The following NUP54 variants were observed in gnomAD, a reference collection of about 807,000 sequenced individuals.
The protein encoded by NUP54 is nucleoporin p54.
Under a neutral mutation model 66.4 loss-of-function variants are expected in NUP54, and 27 were observed. The observed-to-expected ratio is 0.41, with a 90% confidence interval of 0.30 to 0.56. The LOEUF is 0.56. NUP54 is among the 20% of genes least tolerant of loss of function. NUP54 has a pLI of 0.34. For synonymous variants in NUP54, 206 were observed against 210.7 expected, an observed-to-expected ratio of 0.98 and a Z score of 0.19; for missense variants, 486 against 596.3, an observed-to-expected ratio of 0.82 and a Z score of 1.93.
In NUP54 at chr4:76,124,746, T is replaced by C; in HGVS notation, c.1067A>G (p.Glu356Gly). The change falls in exon 9 of 12, where the codon GAA (glutamate) becomes GGA (glycine). Residue 356 changes from glutamate to glycine, a missense_variant. Around this residue, in one of 4 missense-constraint regions of NUP54, gnomAD observed 217 missense variants for 247.9 expected, o/e 0.88. Transcript: ENST00000264883. Reference sequence around the variant, plus strand: ...ATTCTTTTGTAGCTCACTAATATCTTCAGATATGATCTGTTTAAAAAAAAA... The same window carrying C: ...ATTCTTTTGTAGCTCACTAATATCTCCAGATATGATCTGTTTAAAAAAAAA... ...QHQTRLDIIS[E>G]DISELQKNQT... The C allele has an allele frequency of 8.5e-7, 1 of 1,175,128 alleles. No individual in the cohort carries two copies. Among genetic ancestry groups the C allele is most frequent in the South Asian group, 1.2e-5 (1 of 81,288 alleles). The allele number at this position is 1,175,128 out of a possible 1,614,324, so 72.8% of individuals were successfully genotyped here. A position where few individuals can be genotyped will look rare whatever the true frequency, so the allele number is the denominator to read the frequency against.
At position 76,132,687 on chromosome 4, in the gene NUP54, G is replaced by A. The variant is rs750995767; in HGVS notation, c.743C>T (p.Ser248Leu). 5 of 1,613,430 alleles carry A rather than the reference G, an allele frequency of 3.1e-6. No individual in the cohort carries two copies. Among genetic ancestry groups the A allele is most frequent in the South Asian group, 1.1e-5 (1 of 90,878 alleles). Residue 248 changes from serine to leucine, a missense_variant, in exon 6 of 12, where the codon TCG (serine) becomes TTG (leucine). By Grantham distance (145) the Ser-to-Leu change is moderately radical. This residue lies in a region of NUP54 where 217 missense variants were observed against 247.9 expected (regional missense o/e 0.88). Coordinates refer to ENST00000264883, the MANE Select transcript of NUP54 (RefSeq NM_017426.4). ...TEVVIYVVER[S>L]PNGTSRRVPA... The stretch of plus-strand genomic sequence containing the variant: ...AACTCTTCTTGAAGTACCATTTGGC[G>A]AACGCTCAACAACATAAATAACAAC...
At chr4:76,148,000 G>A in intron 1 of NUP54, 4 of 372,030 alleles carry the variant, frequency 1.1e-5, no homozygotes, top group Admixed American at 4.3e-5. Flanking sequence ...CTCGGGCAAG[G>A]GGAGAGGGAA....
chr4:76,144,433 AC>A lies in NUP54; in HGVS notation c.107del (p.Gly36ValfsTer42). 1.2e-6 allele frequency: 2 copies of A among 1,608,914 alleles called. No individual in the cohort carries two copies. The highest frequency in any genetic ancestry group is 1.7e-6 in the Non-Finnish European group (2 of 1,178,696). The stretch of plus-strand genomic sequence containing the variant: ...TTGGGGCAGAAAAGCTGAATGCAGA[AC>A]CTGCAGTTGTAGATGTTGTCCCAAA... ...GGFGTTSTTA[G>X]SAFSFSAPTN... On this transcript the variant is annotated frameshift_variant, in exon 2 of 12. Transcript: ENST00000264883. LOFTEE classifies it high-confidence loss of function.
At chr4:76,128,077 A>G (rs1192054892) in intron 8 of NUP54, among the ~76,000 whole-genome samples, 1 of 152,222 alleles carries the variant, frequency 6.6e-6, no homozygotes, top group East Asian at 1.9e-4. Context: ...GGAAATGAGC[A>G]TAAATGCTGA....
intron 1 of NUP54, 61 bp downstream of exon 1, chr4:76,148,247 A>C (rs1578702414): frequency 8.8e-7 from 1 of 1,139,904 alleles, no homozygotes; most frequent in East Asian, 3.2e-5. Context: ...AGTCTCGGAC[A>C]GAGGGGGCGG....
At chr4:76,137,165 A>C (rs59084193) in intron 3 of NUP54, among the ~76,000 whole-genome samples, 17 of 151,914 alleles carry the variant, frequency 1.1e-4, no homozygotes, top group Non-Finnish European at 2.1e-4. Flanking sequence ...TTAATTTTTT[A>C]AAATTATTTT....
In NUP54 at chr4:76,115,115, T is replaced by C; in HGVS notation, c.*251A>G. 1 of 322,848 alleles carries C rather than the reference T, an allele frequency of 3.1e-6. No individual in the cohort carries two copies. Among genetic ancestry groups the C allele is most frequent in the Non-Finnish European group, 5.6e-6 (1 of 179,340 alleles). The allele number at this position is 322,848 out of a possible 1,614,324, so 20.0% of individuals were successfully genotyped here. A position where few individuals can be genotyped will look rare whatever the true frequency, so the allele number is the denominator to read the frequency against. ...AAAATGTACAATAGTACATACAATT[T>C]TGGTAATTATGCACTTCTTTTAAAG... On this transcript the variant is annotated 3_prime_UTR_variant, in exon 12 of 12. Transcript: ENST00000264883.
intron 6 of NUP54, among the ~76,000 whole-genome samples, chr4:76,132,160 T>C (rs1029935932): frequency 6.6e-6 from 1 of 152,090 alleles, no homozygotes; most frequent in Non-Finnish European, 1.5e-5. Context: ...AGTTATGCCA[T>C]CCAGAATATT....
intron 9 of NUP54, among the ~76,000 whole-genome samples, chr4:76,119,867 G>T (rs561944386): frequency 6.6e-6 from 1 of 151,894 alleles, no homozygotes. Context: ...CACATAGACC[G>T]ACTGCTTTTT....
intron 7 of NUP54, among the ~76,000 whole-genome samples, 190 bp downstream of exon 7, chr4:76,131,040 T>TC (rs1223459167): frequency 6.6e-6 from 1 of 152,004 alleles, no homozygotes; most frequent in African/African-American, 2.4e-5. Context: ...ACCATAATCT[T>TC]TTTTTTTCTT....
Position 76,134,355 on chromosome 4 carries a change from C to G in NUP54, c.530G>C (p.Gly177Ala). Residue 177 changes from glycine to alanine, a missense_variant, in exon 5 of 12, where the codon GGT (glycine) becomes GCT (alanine). Gly to Ala is a moderately conservative substitution (Grantham distance 60, BLOSUM62 0). This residue lies in a region of NUP54 where 41 missense variants were observed against 82.7 expected (regional missense o/e 0.50). Coordinates refer to ENST00000264883, the MANE Select transcript of NUP54 (RefSeq NM_017426.4). ...TTTATTACTGGGCATGCAACTATAACCTACTGCCTGTGGAATGACAAAATA... is the reference window on the plus strand; with the variant it reads ...TTTATTACTGGGCATGCAACTATAAGCTACTGCCTGTGGAATGACAAAATA... ...ENPFCRFKAV[G>A]YSCMPSNKDE... The G allele has an allele frequency of 6.2e-7, 1 of 1,611,396 alleles. No individual in the cohort carries two copies. Among genetic ancestry groups the G allele is most frequent in the Non-Finnish European group, 8.5e-7 (1 of 1,178,876 alleles).
intron 1 of NUP54, 142 bp from the exon 2 acceptor site, chr4:76,144,615 ATT>A: frequency 1.6e-6 from 1 of 619,430 alleles, no homozygotes; most frequent in Non-Finnish European, 2.7e-6. Flanking sequence ...TTCAAGATCA[ATT>A]TTTTAAAAAA....
Position 76,148,360 on chromosome 4 carries a change from A to G in NUP54, c.15T>C (p.Phe5=), listed in dbSNP as rs762401279. The part of the protein sequence containing the change: MAFN[F]GAPSGTSGTA... ...TACCGGAGGTGCCCGAGGGAGCCCC[A>G]AAATTGAAGGCCATGTCGCGAAAGC... Residue 5 remains phenylalanine, a synonymous_variant, in exon 1 of 12, where the codon TTT becomes TTC. Coordinates refer to ENST00000264883, the MANE Select transcript of NUP54 (RefSeq NM_017426.4). 3.9e-6 allele frequency: 6 copies of G among 1,546,946 alleles called. No homozygotes were observed. The highest frequency in any genetic ancestry group is 5.2e-6 in the Non-Finnish European group (6 of 1,147,494).
chr4:76,120,066 A>G (rs1730161207), intron 9 of NUP54, among the ~76,000 whole-genome samples: 3 of 152,154 alleles, frequency 2.0e-5, no homozygotes, highest in African/African-American at 7.2e-5. Context: ...AATAATCAAT[A>G]ATTATTGTCT....
rs911857228 is a variant in NUP54, at chr4:76,129,662, G to A, written c.1056+994C>T. ...GGGTGGATCACGAGGTCAGGAGATC[G>A]AGACCATCCTGGTTAACACGGTGAA... On this transcript the variant is annotated intron_variant, in intron 8 of 11. Transcript: ENST00000264883. Among the ~76,000 whole-genome samples the A allele has an allele frequency of 4.8e-4, 73 of 151,920 alleles. 1 individual carries two copies. The highest frequency in any genetic ancestry group is 5.9e-5 in the Non-Finnish European group (4 of 67,966).
chr4:76,142,502 T>C (rs1313336902), intron 3 of NUP54, among the ~76,000 whole-genome samples: 5 of 152,208 alleles, frequency 3.3e-5, no homozygotes, highest in African/African-American at 4.8e-5. Context: ...GAATGAGTAG[T>C]TGAATTTGCA....
chr4:76,129,252 ACTT>A, intron 8 of NUP54, among the ~76,000 whole-genome samples: 1 of 152,164 alleles, frequency 6.6e-6, no homozygotes, highest in East Asian at 1.9e-4. Context: ...AAGATTTAAA[ACTT>A]ACCGAGGATT....
intron 5 of NUP54, among the ~76,000 whole-genome samples, chr4:76,133,238 C>T (rs1730890596): frequency 1.3e-5 from 2 of 151,810 alleles, no homozygotes; most frequent in South Asian, 4.2e-4. Context: ...GAAAGTTTTA[C>T]TTCATGTAAT....
At chr4:76,125,677 AGAGGG>A (rs1173592289) in intron 8 of NUP54, among the ~76,000 whole-genome samples, 2,598 of 27,396 alleles carry the variant, frequency 0.095, 437 homozygotes, top group East Asian at 0.47. Flanking sequence ...AGAGAGGGAG[AGAGGG>A]AGAGGGAGAG....
Sources: allele counts gnomAD v4.1 joint callset (sites outside exome capture counted in the v4.1 genomes callset), GRCh38; gene constraint gnomAD v4.1.1; regional missense constraint gnomAD v4.1.1; transcripts MANE v1.5; gene names NCBI Gene and HGNC (gene_info 2026-07-23, HGNC 2026-07-21).